The following PIK3R4 variants were observed in gnomAD, a reference collection of about 807,000 sequenced individuals.
The protein encoded by PIK3R4 is phosphoinositide-3-kinase regulatory subunit 4.
A neutral mutation model predicts 136.5 loss-of-function variants in PIK3R4; 46 were observed. That is an observed-to-expected ratio of 0.34 (90% CI 0.27 to 0.43). The LOEUF (loss-of-function observed/expected upper bound fraction) is 0.43. Ranked by LOEUF, PIK3R4 falls within the 20% of genes least tolerant of loss-of-function variation. The pLI, the probability that PIK3R4 is intolerant of heterozygous loss-of-function variation, is 1.00. For synonymous variants in PIK3R4, 557 were observed against 566.7 expected, an observed-to-expected ratio of 0.98 and a Z score of 0.24; for missense variants, 1,331 against 1,649.5, an observed-to-expected ratio of 0.81 and a Z score of 3.35.
intron 13 of PIK3R4, among the ~76,000 whole-genome samples, chr3:130,695,024 G>T (rs2107603723): frequency 6.6e-6 from 1 of 152,254 alleles, no homozygotes; most frequent in East Asian, 1.9e-4. Flanking sequence ...CTGAGAGTTT[G>T]TTGAGATGAC....
At chr3:130,691,569 C>T (rs1032484563) in intron 13 of PIK3R4, among the ~76,000 whole-genome samples, 4 of 152,156 alleles carry the variant, frequency 2.6e-5, no homozygotes, top group Non-Finnish European at 5.9e-5. Flanking sequence ...CCATTACTCT[C>T]CACACAGACT....
chr3:130,679,253 G>A lies in PIK3R4; in HGVS notation c.*62C>T. On this transcript the variant is annotated 3_prime_UTR_variant, in exon 20 of 20. Coordinates refer to ENST00000356763, the MANE Select transcript of PIK3R4 (RefSeq NM_014602.3). ...GCAAATGAATCTGTTCTCTAGAAAT[G>A]CCTTTTCTCGAGTTATAGTATTATA... 9.8e-7 allele frequency: 1 copy of A among 1,017,110 alleles called. No individual in the cohort carries two copies. The highest frequency in any genetic ancestry group is 1.4e-6 in the Non-Finnish European group (1 of 732,962). The allele number at this position is 1,017,110 out of a possible 1,614,324, so 63.0% of individuals were successfully genotyped here. A position where few individuals can be genotyped will look rare whatever the true frequency, so the allele number is the denominator to read the frequency against.
intron 2 of PIK3R4, among the ~76,000 whole-genome samples, chr3:130,738,226 TGTAA>T (rs1343633072): frequency 6.6e-6 from 1 of 152,142 alleles, no homozygotes; most frequent in East Asian, 1.9e-4. Context: ...AACCAGCTAA[TGTAA>T]GTAAGTTTCT....
At chr3:130,740,437 A>T (rs2066815678) in intron 2 of PIK3R4, among the ~76,000 whole-genome samples, 1 of 152,116 alleles carries the variant, frequency 6.6e-6, no homozygotes, top group Non-Finnish European at 1.5e-5. Flanking sequence ...ACTATACCTC[A>T]TCTTAGAAAA....
At chr3:130,721,377 T>C (rs1270554150) in intron 7 of PIK3R4, among the ~76,000 whole-genome samples, 3 of 151,886 alleles carry the variant, frequency 2.0e-5, no homozygotes, top group Non-Finnish European at 4.4e-5. Context: ...CTACCTGTGA[T>C]CTTGCAATCC....
At chr3:130,708,519 T>C (rs776569577) in intron 9 of PIK3R4, 27 bp from the exon 10 acceptor site, 1 of 1,565,734 alleles carries the variant, frequency 6.4e-7, no homozygotes, top group Non-Finnish European at 8.7e-7. Flanking sequence ...CCATATGTTC[T>C]AGTTTATTTT....
chr3:130,705,666 CA>C lies in PIK3R4; in HGVS notation c.2826del (p.Glu943AsnfsTer18). The C allele has an allele frequency of 6.2e-7, 1 of 1,612,868 alleles. No homozygotes were observed. Among genetic ancestry groups the C allele is most frequent in the Non-Finnish European group, 8.5e-7 (1 of 1,178,898 alleles). On this transcript the variant is annotated frameshift_variant, in exon 12 of 20. Coordinates refer to ENST00000356763, the MANE Select transcript of PIK3R4 (RefSeq NM_014602.3). LOFTEE classifies it high-confidence loss of function. The stretch of plus-strand genomic sequence containing the variant: ...TTTTGCTGGATGAGTTGCTGAAGTT[CA>C]GTTTTACAAGTTGTAATTCGAATCT... ...TYQIRITTCK[T>X]ELQQLIQQKR...
chr3:130,715,716 C>T (rs546625284), intron 9 of PIK3R4, among the ~76,000 whole-genome samples: 2 of 152,186 alleles, frequency 1.3e-5, no homozygotes, highest in South Asian at 4.1e-4. Context: ...TGCCTGTTCA[C>T]TCTGATGATG....
chr3:130,711,572 C>G (rs749958902), intron 9 of PIK3R4, among the ~76,000 whole-genome samples: 1 of 152,188 alleles, frequency 6.6e-6, no homozygotes, highest in African/African-American at 2.4e-5. Flanking sequence ...ATAGAAAGAA[C>G]AACACAAGGT....
intron 2 of PIK3R4, among the ~76,000 whole-genome samples, chr3:130,742,288 C>T (rs1394242546): frequency 6.6e-6 from 1 of 152,088 alleles, no homozygotes; most frequent in Non-Finnish European, 1.5e-5. Flanking sequence ...AAAATAAATG[C>T]TGAGTGTGAA....
intron 4 of PIK3R4, among the ~76,000 whole-genome samples, chr3:130,730,814 A>G (rs956574192): frequency 6.6e-6 from 1 of 152,194 alleles, no homozygotes. Flanking sequence ...ACATTAAAAT[A>G]ACAGATAAAG....
intron 14 of PIK3R4, 86 bp downstream of exon 14, chr3:130,690,404 C>T (rs552217002): frequency 1.0e-5 from 7 of 698,016 alleles, no homozygotes; most frequent in Non-Finnish European, 1.5e-5. Flanking sequence ...CTTAGTTGAT[C>T]CCAACTACAT....
chr3:130,680,778 A>C (rs1481664695), intron 18 of PIK3R4, 57 bp from the exon 19 acceptor site: 2 of 1,096,304 alleles, frequency 1.8e-6, no homozygotes, highest in African/African-American at 3.1e-5. Flanking sequence ...AGGAACTAAT[A>C]ATCATTGGCT....
chr3:130,741,679 A>G (rs1333510417), intron 2 of PIK3R4, among the ~76,000 whole-genome samples: 1 of 152,106 alleles, frequency 6.6e-6, no homozygotes, highest in Non-Finnish European at 1.5e-5. Context: ...CTGCTTGGCT[A>G]TAACACATCA....
intron 4 of PIK3R4, among the ~76,000 whole-genome samples, chr3:130,730,992 A>C (rs755092923): frequency 6.6e-6 from 1 of 152,246 alleles, no homozygotes; most frequent in Non-Finnish European, 1.5e-5. Context: ...TCAAGTTCTT[A>C]GTGAACCAAA....
At chr3:130,680,288 T>C (rs907406948) in intron 19 of PIK3R4, among the ~76,000 whole-genome samples, 5 of 152,138 alleles carry the variant, frequency 3.3e-5, no homozygotes, top group Admixed American at 1.3e-4. Flanking sequence ...AAATCCCAGC[T>C]TTCTGTTTAC....
chr3:130,701,282 C>T (rs957267359), intron 13 of PIK3R4, among the ~76,000 whole-genome samples: 1 of 152,040 alleles, frequency 6.6e-6, no homozygotes, highest in African/African-American at 2.4e-5. Context: ...GAGGCTGAGG[C>T]GGGCGGATCA....
rs2066455234 is a variant in PIK3R4 at position 130,681,059 on chromosome 3, G to A, written c.3715C>T (p.Pro1239Ser). ...APPLSELQPSPHSVHGIYCSP... is the reference protein window; with the variant it reads ...APPLSELQPSSHSVHGIYCSP... ...CAGTAGATACCATGGACGCTATGAGGAGAAGGCTTAAAAGAAATAGATGTG... is the reference window on the plus strand; with the variant it reads ...CAGTAGATACCATGGACGCTATGAGAAGAAGGCTTAAAAGAAATAGATGTG... The change falls in exon 18 of 20, where the codon CCT (proline) becomes TCT (serine). Residue 1239 changes from proline to serine, a missense_variant. Pro to Ser is a moderately conservative substitution (Grantham distance 74). Transcript: ENST00000356763. The A allele has an allele frequency of 4.5e-6, 7 of 1,559,260 alleles. No individual in the cohort carries two copies. The highest frequency in any genetic ancestry group is 6.2e-6 in the Non-Finnish European group (7 of 1,130,080).
intron 13 of PIK3R4, among the ~76,000 whole-genome samples, chr3:130,701,996 C>G (rs529035723): frequency 4.0e-5 from 6 of 151,774 alleles, no homozygotes; most frequent in African/African-American, 1.2e-4. Flanking sequence ...TTTTAATTAG[C>G]TGGGTGTGGT....
Sources: gnomAD v4.1 joint callset for allele counts (sites outside exome capture counted in the v4.1 genomes callset) on GRCh38, gnomAD v4.1.1 for gene constraint, MANE v1.5 for transcripts, NCBI Gene and HGNC (gene_info 2026-07-23, HGNC 2026-07-21) for gene names.